Variants in GTF2IRD1 observed in about 807,000 individuals in gnomAD.
GTF2IRD1 encodes the protein GTF2I repeat domain containing 1.
A neutral mutation model predicts 113.2 loss-of-function variants in GTF2IRD1; 26 were observed. The ratio of observed to expected loss-of-function variants is 0.23; its 90% CI spans 0.17 to 0.32. GTF2IRD1 has a LOEUF of 0.32. Ranked by LOEUF, GTF2IRD1 falls within the 10% of genes least tolerant of loss-of-function variation. The pLI is 1.00. For synonymous variants in GTF2IRD1, 484 were observed against 529.1 expected (o/e 0.91, Z 1.17); for missense variants, 864 against 1,280.8 (o/e 0.67, Z 4.97).
rs59499031 is a variant in GTF2IRD1, at chr7:74,517,427, C to CTTTTTTTTT, written c.422-697_422-689dup. ...GGTCTCTCTCCCTTCCTCCCTACAC[C>CTTTTTTTTT]TTTTTTTTTTTTTTTTTTTTTTTGA... On this transcript the variant is annotated intron_variant, in intron 4 of 26. Coordinates refer to ENST00000424337, the MANE Select transcript of GTF2IRD1 (RefSeq NM_005685.4). Among the ~76,000 whole-genome samples the CTTTTTTTTT allele has an allele frequency of 3.5e-4, 27 of 77,400 alleles. 3 individuals are homozygous for CTTTTTTTTT. Among genetic ancestry groups the CTTTTTTTTT allele is most frequent in the African/African-American group, 1.4e-3 (26 of 19,116 alleles). The allele number at this position is 77,400 out of a possible 152,430, so 50.8% of individuals were successfully genotyped here.
chr7:74,582,838 G>C (rs587768508), intron 22 of GTF2IRD1, among the ~76,000 whole-genome samples: 1 of 151,696 alleles, frequency 6.6e-6, no homozygotes, highest in Non-Finnish European at 1.5e-5. Context: ...AAAAACTCAC[G>C]ATTTAAAAAA....
At chr7:74,557,760 T>C in intron 20 of GTF2IRD1, 38 bp downstream of exon 20, 1 of 1,300,616 alleles carries the variant, frequency 7.7e-7, no homozygotes, top group Non-Finnish European at 1.1e-6. Context: ...GACACGCAGC[T>C]GCTGTGCACA....
intron 22 of GTF2IRD1, among the ~76,000 whole-genome samples, chr7:74,574,619 CA>C (rs1800905546): frequency 6.6e-6 from 1 of 151,326 alleles, no homozygotes; most frequent in Admixed American, 6.6e-5. Context: ...ACCACCGTGC[CA>C]GGCTAATTTT....
chr7:74,593,251 A>G (rs1212022624), intron 24 of GTF2IRD1, among the ~76,000 whole-genome samples: 2 of 151,908 alleles, frequency 1.3e-5, no homozygotes, highest in African/African-American at 2.4e-5. Flanking sequence ...TCTCCCACAG[A>G]CAGTTCACCC....
In GTF2IRD1 at chr7:74,470,624, A is replaced by AT. The variant is rs559340695; in HGVS notation, c.-7+16450dup. 8.5e-5 allele frequency among the ~76,000 whole-genome samples: 13 copies of AT among 152,374 alleles called. No individual in the cohort carries two copies. The East Asian group carries it at 2.5e-3, about 29-fold the overall frequency. On this transcript the variant is annotated intron_variant, in intron 1 of 26. Transcript: ENST00000424337. The stretch of plus-strand genomic sequence containing the variant: ...TCATAATTGCCCCAAACTGGAAACA[A>AT]TTCAGATGTCAGACTGCCCAGTGAA...
chr7:74,538,584 T>TA (rs1217431278), intron 12 of GTF2IRD1, 96 bp from the exon 13 acceptor site: 1 of 838,616 alleles, frequency 1.2e-6, no homozygotes, highest in African/African-American at 1.7e-5. Context: ...AGGGCCTCAC[T>TA]AACAAGTTAC....
At chr7:74,454,726 C>G (rs1419492151) in intron 1 of GTF2IRD1, among the ~76,000 whole-genome samples, 1 of 152,106 alleles carries the variant, frequency 6.6e-6, no homozygotes, top group African/African-American at 2.4e-5. Flanking sequence ...GGGGAGGGGG[C>G]TGGCCTGTGT....
At position 74,590,065 on chromosome 7, in the gene GTF2IRD1, T is replaced by A; in HGVS notation, c.2398+137T>A. Reference sequence around the variant, plus strand: ...CCTGGTGACATGGCTGCTCTGCCCATGACCCACGTTTTGTGTATGTTGATT... The same window carrying A: ...CCTGGTGACATGGCTGCTCTGCCCAAGACCCACGTTTTGTGTATGTTGATT... On this transcript the variant is annotated intron_variant, in intron 23 of 26. Coordinates refer to ENST00000424337, the MANE Select transcript of GTF2IRD1 (RefSeq NM_005685.4). 6 of 607,790 alleles carry A rather than the reference T, an allele frequency of 9.9e-6. No individual in the cohort carries two copies. The South Asian group carries it at 1.2e-4, about 12-fold the overall frequency. The allele number at this position is 607,790 out of a possible 1,614,324, so 37.6% of individuals were successfully genotyped here. A position where few individuals can be genotyped will look rare whatever the true frequency, so the allele number is the denominator to read the frequency against.
In GTF2IRD1 at chr7:74,557,742, C is replaced by G; in HGVS notation, c.2107+20C>G. ...AATACGGTAAGCAGTGCAGAACCCCCGGGGAGGGACACGCAGCTGCTGTGC... is the reference window on the plus strand; with the variant it reads ...AATACGGTAAGCAGTGCAGAACCCCGGGGGAGGGACACGCAGCTGCTGTGC... On this transcript the variant is annotated intron_variant, in intron 20 of 26. Coordinates refer to ENST00000424337, the MANE Select transcript of GTF2IRD1 (RefSeq NM_005685.4). The G allele has an allele frequency of 3.4e-6, 5 of 1,473,212 alleles. No homozygotes were observed. Among genetic ancestry groups the G allele is most frequent in the Non-Finnish European group, 4.7e-6 (5 of 1,054,928 alleles). 91.3% of individuals were successfully genotyped at this position (1,473,212 alleles called of 1,614,324 possible).
At chr7:74,465,114 G>A (rs782254713) in intron 1 of GTF2IRD1, among the ~76,000 whole-genome samples, 7 of 152,158 alleles carry the variant, frequency 4.6e-5, no homozygotes, top group South Asian at 2.1e-4. Context: ...AGGCATGGCC[G>A]CTTCTTGCAG....
chr7:74,471,671 T>TAAAAAAAAAA (rs1794096527), intron 1 of GTF2IRD1, among the ~76,000 whole-genome samples: 1 of 54,106 alleles, frequency 1.8e-5, no homozygotes, highest in East Asian at 3.1e-4. Flanking sequence ...TTTGAAATAT[T>TAAAAAAAAAA]TAAAAAAAAA....
At chr7:74,539,507 G>T (rs1554351174) in intron 13 of GTF2IRD1, among the ~76,000 whole-genome samples, 1 of 152,138 alleles carries the variant, frequency 6.6e-6, no homozygotes, top group East Asian at 1.9e-4. Context: ...ACTTTGGGAG[G>T]CCGAGGCGGG....
intron 7 of GTF2IRD1, among the ~76,000 whole-genome samples, chr7:74,523,575 C>A (rs994867290): frequency 6.6e-6 from 1 of 152,006 alleles, no homozygotes; most frequent in Non-Finnish European, 1.5e-5. Context: ...CAAAAATAAG[C>A]CAGGTGTGGT....
chr7:74,517,700 G>A lies in GTF2IRD1; in HGVS notation c.422-439G>A, dbSNP rs782127007. 2.1e-4 allele frequency among the ~76,000 whole-genome samples: 32 copies of A among 152,280 alleles called. 1 individual carries two copies. The highest frequency in any genetic ancestry group is 5.3e-4 in the African/African-American group (22 of 41,556). On this transcript the variant is annotated intron_variant, in intron 4 of 26. Transcript: ENST00000424337. ...CTCCCAAAATGCTGGGATGACAGGC[G>A]TGAGCCACCACGCCCAGCCCTTATA...
Position 74,602,564 on chromosome 7 carries a change from C to A in GTF2IRD1, c.*131C>A. The A allele has an allele frequency of 3.7e-6, 2 of 544,606 alleles. No homozygotes were observed. Among genetic ancestry groups the A allele is most frequent in the Non-Finnish European group, 6.0e-6 (2 of 330,774 alleles). The allele number at this position is 544,606 out of a possible 1,614,324, so 33.7% of individuals were successfully genotyped here. On this transcript the variant is annotated 3_prime_UTR_variant, in exon 27 of 27. Coordinates refer to ENST00000424337, the MANE Select transcript of GTF2IRD1 (RefSeq NM_005685.4). ...GATTTTTACACTATATTCCTGCCAC[C>A]AAGGCCTTTTTAAATAAGTAAAAAA...
At chr7:74,591,078 T>A in intron 24 of GTF2IRD1, 61 bp downstream of exon 24, 3 of 1,267,972 alleles carry the variant, frequency 2.4e-6, no homozygotes, top group Non-Finnish European at 3.4e-6. Flanking sequence ...AGGGTGAAAG[T>A]CAAGGTCACG....
intron 14 of GTF2IRD1, among the ~76,000 whole-genome samples, 156 bp from the exon 15 acceptor site, chr7:74,544,599 A>G (rs1406301880): frequency 3.3e-5 from 5 of 152,180 alleles, no homozygotes; most frequent in Admixed American, 3.3e-4. Flanking sequence ...AGGCACCTGT[A>G]TGGAATCGGG....
intron 1 of GTF2IRD1, among the ~76,000 whole-genome samples, chr7:74,457,452 C>G (rs963109989): frequency 5.9e-5 from 9 of 152,142 alleles, no homozygotes; most frequent in African/African-American, 9.7e-5. Flanking sequence ...TGCTCTTGAG[C>G]CTTGACCTAA....
chr7:74,581,252 C>T (rs1383792638), intron 22 of GTF2IRD1, among the ~76,000 whole-genome samples: 11 of 152,194 alleles, frequency 7.2e-5, no homozygotes, highest in African/African-American at 2.4e-4. Flanking sequence ...GAACTCCTGA[C>T]CTCAGCTGAT....
Sources: allele counts gnomAD v4.1 joint callset (sites outside exome capture counted in the v4.1 genomes callset), GRCh38; gene constraint gnomAD v4.1.1; transcripts MANE v1.5; gene names NCBI Gene and HGNC (gene_info 2026-07-23, HGNC 2026-07-21).